ASCC3: variants seen among roughly 807,000 people sequenced by gnomAD.
ASCC3 encodes ASC-1 complex subunit P200.
A neutral mutation model predicts 256.3 loss-of-function variants in ASCC3; 158 were observed. The observed-to-expected ratio is 0.62, with a 90% CI of 0.54 to 0.70. The LOEUF (loss-of-function observed/expected upper bound fraction) is 0.70. Among genes scored for constraint, ASCC3 ranks in the 30% least tolerant of loss-of-function variants. The probability of loss-of-function intolerance (pLI) is 0.00; values close to 1 mark genes in which losing one functional copy is unlikely to be tolerated. For synonymous variants in ASCC3, 948 were observed against 883.4 expected, an observed-to-expected ratio of 1.07 and a Z score of -1.30; for missense variants, 2,259 against 2,626.0, an observed-to-expected ratio of 0.86 and a Z score of 3.05.
At chr6:100,777,160 A>T (rs989340887) in intron 8 of ASCC3, among the ~76,000 whole-genome samples, 2 of 152,162 alleles carry the variant, frequency 1.3e-5, no homozygotes, top group African/African-American at 4.8e-5. Context: ...TTAGATGATC[A>T]GATGATTTTC....
chr6:100,530,244 A>C, intron 37 of ASCC3: 1 of 890,070 alleles, frequency 1.1e-6, no homozygotes. Context: ...TCAGAGCCAC[A>C]GGAGGAGGGG....
chr6:100,608,755 A>T (rs1240794418), intron 30 of ASCC3, among the ~76,000 whole-genome samples: 2 of 48,352 alleles, frequency 4.1e-5, no homozygotes, highest in Non-Finnish European at 7.4e-5. Context: ...ATATATATAT[A>T]TATATATATA....
intron 14 of ASCC3, among the ~76,000 whole-genome samples, chr6:100,674,921 T>C (rs1776933785): frequency 6.6e-6 from 1 of 152,042 alleles, no homozygotes; most frequent in Admixed American, 6.6e-5. Flanking sequence ...TATGAGCCAC[T>C]GCAACTGGCC....
At chr6:100,636,390 T>C (rs1003444568) in intron 25 of ASCC3, among the ~76,000 whole-genome samples, 5 of 152,134 alleles carry the variant, frequency 3.3e-5, no homozygotes, top group East Asian at 1.9e-4. Context: ...TAATTGATAA[T>C]TGTGTGTGTT....
intron 10 of ASCC3, among the ~76,000 whole-genome samples, chr6:100,747,644 G>A (rs2115085990): frequency 6.6e-6 from 1 of 152,190 alleles, no homozygotes; most frequent in East Asian, 1.9e-4. Flanking sequence ...TGTATACGCT[G>A]TGTGACTCCA....
intron 3 of ASCC3, among the ~76,000 whole-genome samples, chr6:100,861,368 G>A (rs1033841103): frequency 1.3e-5 from 2 of 152,024 alleles, no homozygotes; most frequent in Admixed American, 6.6e-5. Context: ...ATAGCCTTAA[G>A]TGTCTCATAA....
chr6:100,823,281 T>C (rs931439600), intron 4 of ASCC3, among the ~76,000 whole-genome samples: 1 of 152,210 alleles, frequency 6.6e-6, no homozygotes, highest in Non-Finnish European at 1.5e-5. Flanking sequence ...AGTACAGCTG[T>C]CTGGATCACT....
intron 4 of ASCC3, among the ~76,000 whole-genome samples, chr6:100,829,618 C>T (rs932549242): frequency 6.6e-6 from 1 of 152,136 alleles, no homozygotes; most frequent in Non-Finnish European, 1.5e-5. Flanking sequence ...CCGGCCTTGG[C>T]CAGCCCAGAA....
chr6:100,703,661 G>A (rs6905221), intron 13 of ASCC3, among the ~76,000 whole-genome samples: 68,735 of 151,512 alleles, frequency 0.45, 15,812 homozygotes, highest in South Asian at 0.6. Flanking sequence ...TTCCTTCTAT[G>A]ATGGTGATAT....
intron 10 of ASCC3, among the ~76,000 whole-genome samples, chr6:100,755,037 T>C (rs1442157688): frequency 6.6e-6 from 1 of 152,052 alleles, no homozygotes; most frequent in Non-Finnish European, 1.5e-5. Flanking sequence ...GTCTCGGGTA[T>C]TTCTTCATAG....
At chr6:100,690,692 A>G (rs1164421798) in intron 13 of ASCC3, among the ~76,000 whole-genome samples, 1 of 152,268 alleles carries the variant, frequency 6.6e-6, no homozygotes, top group African/African-American at 2.4e-5. Flanking sequence ...CCCTAGCTAT[A>G]TAAGACTGTA....
chr6:100,574,996 G>T (rs941679884), intron 36 of ASCC3, among the ~76,000 whole-genome samples: 17 of 152,008 alleles, frequency 1.1e-4, no homozygotes, highest in African/African-American at 4.1e-4. Flanking sequence ...TCCAAAAGAT[G>T]CCAGGCAGCT....
At chr6:100,517,830 A>T (rs1269017735) in intron 38 of ASCC3, among the ~76,000 whole-genome samples, 161 bp downstream of exon 38, 1 of 152,160 alleles carries the variant, frequency 6.6e-6, no homozygotes, top group East Asian at 1.9e-4. Flanking sequence ...TCCAAACAAG[A>T]ATGTTACGTC....
At chr6:100,742,252 C>T (rs1780470411) in intron 10 of ASCC3, among the ~76,000 whole-genome samples, 1 of 152,120 alleles carries the variant, frequency 6.6e-6, no homozygotes, top group Non-Finnish European at 1.5e-5. Context: ...TTTGGAAGCT[C>T]CATCCCAGGG....
At chr6:100,713,915 C>T (rs1192614024) in intron 13 of ASCC3, among the ~76,000 whole-genome samples, 12 of 152,082 alleles carry the variant, frequency 7.9e-5, no homozygotes, top group Admixed American at 7.9e-4. Context: ...ATTTATGATA[C>T]TCTTGCAAAG....
At chr6:100,648,393 GT>G (rs1050787661) in intron 20 of ASCC3, among the ~76,000 whole-genome samples, 3 of 151,914 alleles carry the variant, frequency 2.0e-5, no homozygotes, top group Admixed American at 6.6e-5. Context: ...GTTCAGTCTG[GT>G]TAAAATCCAA....
intron 13 of ASCC3, among the ~76,000 whole-genome samples, chr6:100,688,587 T>A (rs541194856): frequency 6.6e-6 from 1 of 152,198 alleles, no homozygotes; most frequent in Non-Finnish European, 1.5e-5. Flanking sequence ...TGATGCCTTA[T>A]CCTTTTGGGC....
At chr6:100,715,758 C>T (rs1779061221) in intron 12 of ASCC3, among the ~76,000 whole-genome samples, 1 of 151,634 alleles carries the variant, frequency 6.6e-6, no homozygotes, top group South Asian at 2.1e-4. Context: ...TTTCTGAGTA[C>T]TAACTTTCTA....
At chr6:100,874,520 C>T (rs961731026) in intron 1 of ASCC3, among the ~76,000 whole-genome samples, 1 of 147,910 alleles carries the variant, frequency 6.8e-6, no homozygotes, top group African/African-American at 2.5e-5. Context: ...GAAAAAGATT[C>T]CCTTTAAGTT....
Sources: gnomAD v4.1 joint callset for allele counts (sites outside exome capture counted in the v4.1 genomes callset) on GRCh38, gnomAD v4.1.1 for gene constraint, MANE v1.5 for transcripts, NCBI Gene and HGNC (gene_info 2026-07-23, HGNC 2026-07-21) for gene names.